Variants in ALDH7A1 observed in about 807,000 individuals in gnomAD.
The protein encoded by ALDH7A1 is aldehyde dehydrogenase 7 family member A1.
In ALDH7A1, 63 loss-of-function variants were observed where a neutral mutation model predicts 79.9. That is an observed-to-expected ratio of 0.79 (90% confidence interval 0.64 to 0.97). ALDH7A1 has a LOEUF of 0.97. Ranked by LOEUF, ALDH7A1 falls within the 50% of genes least tolerant of loss-of-function variation. The pLI, the probability that ALDH7A1 is intolerant of heterozygous loss-of-function variation, is 0.00. For missense variants in ALDH7A1, 627 were observed against 665.2 expected, an observed-to-expected ratio of 0.94 and a Z score of 0.63; for synonymous variants, 240 against 231.2, an observed-to-expected ratio of 1.04 and a Z score of -0.34.
intron 7 of ALDH7A1, among the ~76,000 whole-genome samples, chr5:126,571,648 A>T (rs557081067): frequency 2.8e-4 from 43 of 151,954 alleles, no homozygotes; most frequent in Admixed American, 2.4e-3. Flanking sequence ...TTATTTATTT[A>T]TTTATTTTTT....
At chr5:126,593,494 G>A (rs768967410) in intron 1 of ALDH7A1, 90 bp from the exon 2 acceptor site, 3 of 1,563,836 alleles carry the variant, frequency 1.9e-6, no homozygotes, top group Non-Finnish European at 2.6e-6. Flanking sequence ...AAACAAGAGA[G>A]GAAAAAATGA....
intron 10 of ALDH7A1, among the ~76,000 whole-genome samples, chr5:126,560,455 A>G (rs1750366459): frequency 6.6e-6 from 1 of 152,200 alleles, no homozygotes; most frequent in Non-Finnish European, 1.5e-5. Flanking sequence ...TGGGTGACAG[A>G]GTAAGACTCC....
At chr5:126,546,290 A>G (rs758485579) in intron 17 of ALDH7A1, 34 bp downstream of exon 17, 4 of 1,600,402 alleles carry the variant, frequency 2.5e-6, no homozygotes, top group Non-Finnish European at 3.4e-6. Context: ...AAGGGTTTTA[A>G]GCCCAAACCT....
At chr5:126,584,483 A>T (rs760428951) in intron 3 of ALDH7A1, 48 of 181,158 alleles carry the variant, frequency 2.6e-4, no homozygotes, top group Non-Finnish European at 4.5e-4. Flanking sequence ...AACATGGTGA[A>T]ACCCCGTCTC....
chr5:126,549,854 C>A lies in ALDH7A1; in HGVS notation c.1489+75G>T. 3 of 1,321,710 alleles carry A rather than the reference C, an allele frequency of 2.3e-6. No homozygotes were observed. The South Asian group carries it at 3.5e-5, about 16-fold the overall frequency. 81.9% of individuals were successfully genotyped at this position (1,321,710 alleles called of 1,614,324 possible). ...ATAAGGAGTGTTTCAGTCTCTTGGT[C>A]AGCCTTTTCTAAAAGCTACTACTGG... On this transcript the variant is annotated intron_variant, in intron 16 of 17. Coordinates refer to ENST00000409134, the MANE Select transcript of ALDH7A1 (RefSeq NM_001182.5).
chr5:126,575,450 G>A lies in ALDH7A1; in HGVS notation c.665C>T (p.Thr222Ile), dbSNP rs140827978. Residue 222 changes from threonine to isoleucine, a missense_variant, in exon 7 of 18, where the codon ACC becomes ATC. By Grantham distance (89) the Thr-to-Ile change is moderately conservative. Coordinates refer to ENST00000409134, the MANE Select transcript of ALDH7A1 (RefSeq NM_001182.5). ...GACAGCCACACTAATGAGGGAAGTG[G>A]TTGGAGCTCCTTTCCTTAAGAAGGT... ...GNVCLWKGAP[T>I]TSLISVAVTK... is the part of the protein sequence containing the mutation. 6.2e-7 allele frequency: 1 copy of A among 1,613,006 alleles called. No homozygotes were observed. Among genetic ancestry groups the A allele is most frequent in the Non-Finnish European group, 8.5e-7 (1 of 1,179,622 alleles).
At chr5:126,583,163 C>T (rs930361006) in intron 4 of ALDH7A1, among the ~76,000 whole-genome samples, 189 bp from the exon 5 acceptor site, 2 of 152,194 alleles carry the variant, frequency 1.3e-5, no homozygotes, top group Admixed American at 1.3e-4. Flanking sequence ...GTTAATCTTT[C>T]CTCTAAGGAA....
intron 5 of ALDH7A1, among the ~76,000 whole-genome samples, chr5:126,577,529 A>G (rs1751018310): frequency 6.6e-6 from 1 of 152,174 alleles, no homozygotes; most frequent in East Asian, 1.9e-4. Flanking sequence ...GTATGATCAC[A>G]AAGGGCAGAA....
In ALDH7A1 at chr5:126,593,355, C is replaced by T. The variant is rs1751621256; in HGVS notation, c.242G>A (p.Arg81Gln). 1.9e-6 allele frequency: 3 copies of T among 1,600,822 alleles called. No individual in the cohort carries two copies. Among genetic ancestry groups the T allele is most frequent in the African/African-American group, 1.4e-5 (1 of 69,488 alleles). The change falls in exon 2 of 18, where the codon CGA (arginine) becomes CAA (glutamine). Residue 81 changes from arginine to glutamine, a missense_variant. Transcript: ENST00000409134. ...PANNEPIARV[R>Q]QASVADYEET... ...CACACACACACACACTCTTACCTGTCGGACTCTTGCTATTGGCTCGTTGTT... is the reference window on the plus strand; with the variant it reads ...CACACACACACACACTCTTACCTGTTGGACTCTTGCTATTGGCTCGTTGTT...
intron 11 of ALDH7A1, among the ~76,000 whole-genome samples, chr5:126,556,353 A>G (rs1378090281): frequency 7.0e-6 from 1 of 143,258 alleles, no homozygotes; most frequent in Admixed American, 7.8e-5. Flanking sequence ...AGCGATTCTT[A>G]TACCTCAGCC....
At position 126,592,665 on chromosome 5, in the gene ALDH7A1, T is replaced by G; in HGVS notation, c.311A>C (p.Asp104Ala). ...TCTAGAAACAAAGGCCATACTTACA[T>G]CTGCCCAGATTTTCCATGCTTCTCT... is the stretch of plus-strand genomic sequence containing the variant. ...KAREAWKIWA[D>A]IPAPKRGEIV... Residue 104 changes from aspartate to alanine, a missense_variant and splice_region_variant, in exon 3 of 18, where the codon GAT (aspartate) becomes GCT (alanine). Asp to Ala is a moderately radical substitution (Grantham distance 126). Coordinates refer to ENST00000409134, the MANE Select transcript of ALDH7A1 (RefSeq NM_001182.5). 1 of 1,613,982 alleles carries G rather than the reference T, an allele frequency of 6.2e-7. No homozygotes were observed. Among genetic ancestry groups the G allele is most frequent in the Non-Finnish European group, 8.5e-7 (1 of 1,179,892 alleles).
chr5:126,570,798 C>T lies in ALDH7A1; in HGVS notation c.757G>A (p.Gly253Ser). Reference sequence around the variant, plus strand: ...GTAACCTACCCAATATCTGCTCCACCACAAGTCAAGGAACAAATTGCACCA... The same window carrying T: ...GTAACCTACCCAATATCTGCTCCACTACAAGTCAAGGAACAAATTGCACCA... The part of the protein sequence containing the change: ...LPGAICSLTC[G>S]GADIGTAMAK... The change falls in exon 8 of 18, where the codon GGT (glycine) becomes AGT (serine). Residue 253 changes from glycine (G) to serine (S), a missense_variant. Coordinates refer to ENST00000409134, the MANE Select transcript of ALDH7A1 (RefSeq NM_001182.5). 6.2e-7 allele frequency: 1 copy of T among 1,613,998 alleles called. No homozygotes were observed.
chr5:126,567,940 C>T lies in ALDH7A1; in HGVS notation c.871+319G>A, dbSNP rs375121130. 1.6e-3 allele frequency: 541 copies of T among 343,076 alleles called. 8 individuals carry two copies. The highest frequency in any genetic ancestry group is 0.012 in the South Asian group (511 of 41,180). 21.3% of individuals were successfully genotyped at this position (343,076 alleles called of 1,614,324 possible). The stretch of plus-strand genomic sequence containing the variant: ...CTGGGACTACAGGAGCCCGCCACCA[C>T]GCCCCGCTAATTTTTTGTATTTTTA... On this transcript the variant is annotated intron_variant, in intron 9 of 17. Coordinates refer to ENST00000409134, the MANE Select transcript of ALDH7A1 (RefSeq NM_001182.5).
Position 126,570,859 on chromosome 5 carries a change from C to G in ALDH7A1, c.696G>C (p.Lys232Asn). ...TGTCCTCCAGAACCTTGGCTATTAT[C>G]CTAGAAAGGAAAAAGCAATTACTGA... ...TTSLISVAVT[K>N]IIAKVLEDNK... Residue 232 changes from lysine (K) to asparagine (N), a missense_variant and splice_region_variant, in exon 8 of 18, where the codon AAG (lysine) becomes AAC (asparagine). Physicochemically the swap from Lys to Asn is moderately conservative, Grantham distance 94 (BLOSUM62 0). Transcript: ENST00000409134. The G allele has an allele frequency of 1.2e-6, 2 of 1,613,718 alleles. No homozygotes were observed. Among genetic ancestry groups the G allele is most frequent in the East Asian group, 2.2e-5 (1 of 44,862 alleles).
chr5:126,554,469 A>C, intron 12 of ALDH7A1, 76 bp from the exon 13 acceptor site: 13 of 1,164,284 alleles, frequency 1.1e-5, no homozygotes, highest in Admixed American at 1.7e-5. Flanking sequence ...CAGCTTTCTC[A>C]ATGAACAGAC....
In ALDH7A1 at chr5:126,568,582, A is replaced by G. The variant is rs1750672296; in HGVS notation, c.774-226T>C. 1.0e-4 allele frequency: 54 copies of G among 537,552 alleles called. No individual in the cohort carries two copies. In the South Asian group the frequency reaches 1.1e-3, roughly 11 times the overall value. The allele number at this position is 537,552 out of a possible 1,614,324, so 33.3% of individuals were successfully genotyped here. ...ACCTGCTGTGAGCATTTGAATAGAA[A>G]TCACCTAGAGGAAGTTGTTAGGGAA... is the stretch of plus-strand genomic sequence containing the variant. On this transcript the variant is annotated intron_variant, in intron 8 of 17. Coordinates refer to ENST00000409134, the MANE Select transcript of ALDH7A1 (RefSeq NM_001182.5).
rs760199317 is a variant in ALDH7A1, at chr5:126,593,413, A to C, written c.193-9T>G. 2 of 1,613,932 alleles carry C rather than the reference A, an allele frequency of 1.2e-6. No homozygotes were observed. The highest frequency in any genetic ancestry group is 1.7e-6 in the Non-Finnish European group (2 of 1,180,036). Reference sequence around the variant, plus strand: ...CAATAGGTCGTAATAACCTTAAAACAAAAGGATGATGATCATGTATAGAAA... The same window carrying C: ...CAATAGGTCGTAATAACCTTAAAACCAAAGGATGATGATCATGTATAGAAA... On this transcript the variant is annotated splice_polypyrimidine_tract_variant and intron_variant, in intron 1 of 17. Transcript: ENST00000409134.
intron 2 of ALDH7A1, 42 bp from the exon 3 acceptor site, chr5:126,592,771 G>T: frequency 6.4e-7 from 1 of 1,562,112 alleles, no homozygotes; most frequent in African/African-American, 1.4e-5. Context: ...GAAATAAAGA[G>T]AAATGATGAT....
At chr5:126,594,385 T>A in intron 1 of ALDH7A1, 5 of 396,178 alleles carry the variant, frequency 1.3e-5, no homozygotes, top group South Asian at 9.2e-5. Context: ...GTTGCACCGC[T>A]CAGTGTGCCA....
Sources: allele counts gnomAD v4.1 joint callset (sites outside exome capture counted in the v4.1 genomes callset), GRCh38; gene constraint gnomAD v4.1.1; transcripts MANE v1.5; gene names NCBI Gene and HGNC (gene_info 2026-07-23, HGNC 2026-07-21).